Variants in C8A observed in about 807,000 individuals in gnomAD.
The protein encoded by C8A is complement component C8 alpha chain.
A neutral mutation model predicts 65.3 loss-of-function variants in C8A; 67 were observed. The observed-to-expected ratio is 1.03, with a 90% CI of 0.84 to 1.26. The LOEUF (loss-of-function observed/expected upper bound fraction) is 1.26. Ranked by LOEUF, C8A falls within the 50% of genes most tolerant of loss-of-function variation. The pLI, the probability that C8A is intolerant of heterozygous loss-of-function variation, is 0.00. For synonymous variants in C8A, 290 were observed against 259.4 expected (o/e 1.12, Z -1.13); for missense variants, 781 against 723.9 (o/e 1.08, Z -0.90).
intron 7 of C8A, among the ~76,000 whole-genome samples, chr1:56,902,672 A>T (rs1252902037): frequency 6.6e-6 from 1 of 152,174 alleles, no homozygotes; most frequent in Non-Finnish European, 1.5e-5. Flanking sequence ...GCCCCTGGCA[A>T]CAACCATGAT....
intron 10 of C8A, among the ~76,000 whole-genome samples, chr1:56,913,577 CT>C (rs1644527458): frequency 6.6e-6 from 1 of 152,182 alleles, no homozygotes; most frequent in Non-Finnish European, 1.5e-5. Flanking sequence ...TGGGGCTTAG[CT>C]TTCTCATCTA....
chr1:56,913,581 C>T (rs1644527494), intron 10 of C8A, among the ~76,000 whole-genome samples: 3 of 152,210 alleles, frequency 2.0e-5, no homozygotes, highest in African/African-American at 7.2e-5. Context: ...GCTTAGCTTT[C>T]TCATCTATGT....
intron 4 of C8A, among the ~76,000 whole-genome samples, chr1:56,878,435 T>C (rs535680463): frequency 2.6e-5 from 4 of 152,310 alleles, no homozygotes; most frequent in South Asian, 2.1e-4. Flanking sequence ...CCCTTCCTTA[T>C]TGGCAGAACA....
intron 1 of C8A, among the ~76,000 whole-genome samples, chr1:56,858,047 A>G (rs1643994944): frequency 6.6e-6 from 1 of 152,104 alleles, no homozygotes; most frequent in South Asian, 2.1e-4. Flanking sequence ...TTTAAATTTC[A>G]GTTAATATAA....
intron 7 of C8A, among the ~76,000 whole-genome samples, chr1:56,900,612 T>C (rs892376074): frequency 1.3e-5 from 2 of 148,996 alleles, no homozygotes; most frequent in South Asian, 2.2e-4. Flanking sequence ...TCCAATGAGA[T>C]AATGCAGCTG....
chr1:56,885,307 T>G (rs978305619), intron 6 of C8A, among the ~76,000 whole-genome samples: 10 of 120,026 alleles, frequency 8.3e-5, no homozygotes, highest in Admixed American at 2.6e-4. Flanking sequence ...TTTATATATA[T>G]TTACATAAAT....
intron 2 of C8A, among the ~76,000 whole-genome samples, chr1:56,872,665 C>A (rs1174085190): frequency 6.6e-6 from 1 of 151,946 alleles, no homozygotes; most frequent in Non-Finnish European, 1.5e-5. Context: ...AGAAGAAAAA[C>A]CATGAACAAG....
intron 5 of C8A, among the ~76,000 whole-genome samples, chr1:56,882,305 T>C (rs756688545): frequency 6.6e-5 from 10 of 152,170 alleles, no homozygotes; most frequent in Non-Finnish European, 1.2e-4. Context: ...GCGAACATCA[T>C]TGAATGCTTA....
intron 7 of C8A, among the ~76,000 whole-genome samples, chr1:56,886,659 C>T (rs1308963563): frequency 6.6e-6 from 1 of 152,124 alleles, no homozygotes; most frequent in Non-Finnish European, 1.5e-5. Flanking sequence ...ATGCTGGGGT[C>T]TCATCTTTCC....
chr1:56,885,331 T>C (rs1336038717), intron 6 of C8A, among the ~76,000 whole-genome samples: 3 of 137,674 alleles, frequency 2.2e-5, no homozygotes, highest in African/African-American at 7.9e-5. Context: ...TTTATTTAAA[T>C]ATATATTTAC....
chr1:56,905,794 G>T (rs1373826783), intron 7 of C8A, among the ~76,000 whole-genome samples: 2 of 152,162 alleles, frequency 1.3e-5, no homozygotes, highest in African/African-American at 4.8e-5. Context: ...GACTCCTTTA[G>T]CTACCGAAAA....
chr1:56,893,814 G>A (rs1024916583), intron 7 of C8A, among the ~76,000 whole-genome samples: 8 of 152,132 alleles, frequency 5.3e-5, no homozygotes, highest in Non-Finnish European at 7.4e-5. Flanking sequence ...AATTGCTGAA[G>A]TAGGTTCTGA....
intron 7 of C8A, among the ~76,000 whole-genome samples, chr1:56,898,194 C>G (rs1188666741): frequency 6.6e-6 from 1 of 151,984 alleles, no homozygotes; most frequent in African/African-American, 2.4e-5. Flanking sequence ...GCTGCTGAGG[C>G]CAGGGCATAA....
At chr1:56,867,740 T>C (rs1311081051) in intron 2 of C8A, 38 bp downstream of exon 2, 1 of 1,446,088 alleles carries the variant, frequency 6.9e-7, no homozygotes, top group Non-Finnish European at 9.7e-7. Context: ...CATTTCATAT[T>C]TGATATGTGT....
rs1052752543 is a variant in C8A at position 56,865,038 on chromosome 1, T to G, written c.78-2571T>G. On this transcript the variant is annotated intron_variant, in intron 1 of 10. Transcript: ENST00000361249. The stretch of plus-strand genomic sequence containing the variant: ...AAAACTCCTAAGTTTTAAGTTTTAC[T>G]TAAGAAAGTCCTTCTAGAAACAGTA... 3.1e-4 allele frequency among the ~76,000 whole-genome samples: 47 copies of G among 152,182 alleles called. 1 individual carries two copies. Among genetic ancestry groups the G allele is most frequent in the Non-Finnish European group, 1.0e-4 (7 of 68,050 alleles).
In C8A at chr1:56,908,059, A is replaced by T. The variant is rs1223906841; in HGVS notation, c.1326A>T (p.Thr442=). The change falls in exon 9 of 11, where the codon ACA becomes ACT. Residue 442 remains threonine, a synonymous_variant. Transcript: ENST00000361249. The part of the protein sequence containing the change: ...GGLAQNRSTI[T]YRSWGRSLKY... The stretch of plus-strand genomic sequence containing the variant: ...TGGCACAGAACAGGAGCACCATTAC[A>T]TACCGTTCCTGGGGGAGGTCATTAA... 6.2e-7 allele frequency: 1 copy of T among 1,614,020 alleles called. No homozygotes were observed. The highest frequency in any genetic ancestry group is 2.2e-5 in the East Asian group (1 of 44,886).
intron 6 of C8A, among the ~76,000 whole-genome samples, chr1:56,884,778 C>T (rs915436368): frequency 2.6e-5 from 4 of 151,986 alleles, no homozygotes; most frequent in African/African-American, 4.8e-5. Context: ...TATAAAGATG[C>T]TGCTTTTCTT....
chr1:56,890,189 G>C (rs1208939983), intron 7 of C8A, among the ~76,000 whole-genome samples: 2 of 152,098 alleles, frequency 1.3e-5, no homozygotes, highest in African/African-American at 4.8e-5. Context: ...TGCACATGCT[G>C]TTCTCTCGTC....
intron 9 of C8A, among the ~76,000 whole-genome samples, chr1:56,910,895 G>C (rs1418472): frequency 0.1 from 15,599 of 152,192 alleles, 1,253 homozygotes; most frequent in African/African-American, 0.22. Context: ...CAGTCCTACT[G>C]CTGACTTGCT....
Sources: gnomAD v4.1 joint callset for allele counts (sites outside exome capture counted in the v4.1 genomes callset) on GRCh38, gnomAD v4.1.1 for gene constraint, MANE v1.5 for transcripts, NCBI Gene and HGNC (gene_info 2026-07-23, HGNC 2026-07-21) for gene names.